The following DUSP8 variants were observed in gnomAD, a reference collection of about 807,000 sequenced individuals.
DUSP8 encodes dual specificity protein phosphatase 8.
A neutral mutation model predicts 38.7 loss-of-function variants in DUSP8; 15 were observed. The observed-to-expected ratio is 0.39, with a 90% CI of 0.26 to 0.60. The LOEUF is 0.60. DUSP8 is among the 20% of genes least tolerant of loss of function. DUSP8 has a pLI of 0.56. For synonymous variants in DUSP8, 458 were observed against 433.9 expected, an observed-to-expected ratio of 1.06 and a Z score of -0.69; for missense variants, 768 against 915.0, an observed-to-expected ratio of 0.84 and a Z score of 2.07.
intron 1 of DUSP8, among the ~76,000 whole-genome samples, chr11:1,568,414 C>T (rs887582580): frequency 7.2e-5 from 11 of 152,240 alleles, no homozygotes; most frequent in East Asian, 3.9e-4. Flanking sequence ...TTTACCTGGC[C>T]CTGCTCTGCC....
intron 3 of DUSP8, 50 bp downstream of exon 3, chr11:1,563,801 C>A: frequency 6.9e-7 from 1 of 1,438,944 alleles, no homozygotes; most frequent in East Asian, 2.6e-5. Context: ...AGCCCCAGCC[C>A]CACTGCTGGC....
Position 1,563,843 on chromosome 11 carries a change from G to A in DUSP8, c.370+8C>T, listed in dbSNP as rs1055583022. On this transcript the variant is annotated splice_region_variant and intron_variant, in intron 3 of 6. Transcript: ENST00000397374. ...AGTGCCTCGGGGAGGCGTGGGTCAT[G>A]GACTCACCAGTGAGGATGGCCACGC... 6.0e-6 allele frequency: 9 copies of A among 1,501,496 alleles called. No individual in the cohort carries two copies. The highest frequency in any genetic ancestry group is 1.3e-5 in the South Asian group (1 of 76,604). The allele number at this position is 1,501,496 out of a possible 1,614,324, so 93.0% of individuals were successfully genotyped here. A position where few individuals can be genotyped will look rare whatever the true frequency, so the allele number is the denominator to read the frequency against.
At chr11:1,568,336 G>A (rs1403905604) in intron 1 of DUSP8, among the ~76,000 whole-genome samples, 1 of 151,916 alleles carries the variant, frequency 6.6e-6, no homozygotes, top group African/African-American at 2.4e-5. Context: ...GGGAGGGGAG[G>A]GAGGAGGGCA....
At chr11:1,563,050 C>T (rs753689240) in intron 3 of DUSP8, among the ~76,000 whole-genome samples, 12 of 152,158 alleles carry the variant, frequency 7.9e-5, no homozygotes, top group Non-Finnish European at 1.8e-4. Flanking sequence ...CCTGGCTTGG[C>T]TGCCTACTCC....
chr11:1,571,740 G>A (rs1848901978), intron 1 of DUSP8, among the ~76,000 whole-genome samples, 161 bp downstream of exon 1: 1 of 151,408 alleles, frequency 6.6e-6, no homozygotes, highest in Middle Eastern at 3.2e-3. Flanking sequence ...CTGGCGTCCT[G>A]GACGGCCGTG....
intron 2 of DUSP8, 70 bp from the exon 3 acceptor site, chr11:1,564,059 GC>G (rs1311952703): frequency 1.5e-6 from 2 of 1,365,710 alleles, no homozygotes; most frequent in Non-Finnish European, 1.9e-6. Context: ...TCCCAGATAT[GC>G]TGGCTCAAGG....
chr11:1,555,499 G>GCCCCGCC lies in DUSP8; in HGVS notation c.*1018_*1019insGGCGGGG. On this transcript the variant is annotated 3_prime_UTR_variant, in exon 7 of 7. Transcript: ENST00000397374. ...GGGGCATGGCTGGGAGGGGGGCGGG[G>GCCCCGCC]CAGACCTGGAACAGAACCCTAAGAC... The GCCCCGCC allele has an allele frequency of 2.9e-6, 1 of 348,852 alleles. No individual in the cohort carries two copies. Among genetic ancestry groups the GCCCCGCC allele is most frequent in the Non-Finnish European group, 4.0e-6 (1 of 248,820 alleles). The allele number at this position is 348,852 out of a possible 1,614,324, so 21.6% of individuals were successfully genotyped here.
chr11:1,558,207 T>G lies in DUSP8; in HGVS notation c.602A>C (p.Asp201Ala). 1 of 1,607,746 alleles carries G rather than the reference T, an allele frequency of 6.2e-7. No individual in the cohort carries two copies. The highest frequency in any genetic ancestry group is 8.5e-7 in the Non-Finnish European group (1 of 1,178,746). The change falls in exon 5 of 7, where the codon GAC (aspartate) becomes GCC (alanine). Residue 201 changes from aspartate to alanine, a missense_variant. By Grantham distance (126) the Asp-to-Ala change is moderately radical (BLOSUM62 -2). This residue lies in a region of DUSP8 where 252 missense variants were observed against 410.4 expected (regional missense o/e 0.61). Transcript: ENST00000397374. The surrounding 1 kb of genome is among the most constrained non-coding windows in gnomAD (Gnocchi z 6.3). The stretch of plus-strand genomic sequence containing the variant: ...CATGAAGCGGCTCTCGCAGATGAAG[T>G]CAGGCTTGGGGCAGGAGTTGCTGGC... ...LNASNSCPKP[D>A]FICESRFMRV...
chr11:1,559,792 C>T (rs1335286956), intron 3 of DUSP8, among the ~76,000 whole-genome samples: 2 of 152,170 alleles, frequency 1.3e-5, no homozygotes, highest in Admixed American at 6.5e-5. Flanking sequence ...GTGCTGCTGC[C>T]TTCCACACAC....
chr11:1,557,643 G>A lies in DUSP8; in HGVS notation c.822-69C>T, dbSNP rs1257511177. ...GCTGCCCACCTGACGCACCCGCTGG[G>A]CACCCACGAGCTCATGTGCGCCAGG... On this transcript the variant is annotated intron_variant, in intron 6 of 6. Coordinates refer to ENST00000397374, the MANE Select transcript of DUSP8 (RefSeq NM_004420.3). This position sits in a 1 kb window ranked among gnomAD's most constrained non-coding sequence, Gnocchi z 9.9. 5.3e-6 allele frequency: 8 copies of A among 1,518,026 alleles called. No homozygotes were observed. Among genetic ancestry groups the A allele is most frequent in the African/African-American group, 1.4e-5 (1 of 72,804 alleles). 94.0% of individuals were successfully genotyped at this position (1,518,026 alleles called of 1,614,324 possible).
intron 1 of DUSP8, among the ~76,000 whole-genome samples, chr11:1,569,653 C>G (rs1288223508): frequency 1.3e-5 from 2 of 152,134 alleles, no homozygotes; most frequent in Non-Finnish European, 2.9e-5. Context: ...TCCCTGAGCA[C>G]AGACGGGACC....
At chr11:1,570,680 A>T (rs1352887926) in intron 1 of DUSP8, among the ~76,000 whole-genome samples, 1 of 152,098 alleles carries the variant, frequency 6.6e-6, no homozygotes, top group African/African-American at 2.4e-5. Flanking sequence ...TTTCAGCGAG[A>T]CTTCAGGATG....
intron 1 of DUSP8, among the ~76,000 whole-genome samples, chr11:1,569,850 T>C (rs11033901): frequency 0.62 from 94,760 of 152,066 alleles, 30,041 homozygotes; most frequent in Non-Finnish European, 0.66. Flanking sequence ...GGCTCACTGT[T>C]ACCCAGGGAT....
chr11:1,558,744 GC>G lies in DUSP8; in HGVS notation c.537+144del. The G allele has an allele frequency of 9.9e-7, 1 of 1,012,432 alleles. No individual in the cohort carries two copies. The allele number at this position is 1,012,432 out of a possible 1,614,324, so 62.7% of individuals were successfully genotyped here. ...GGTGGGGAGCCTGGGGTCCTCCTGG[GC>G]CCCCACCCATGCTTCTCCCACACCC... is the stretch of plus-strand genomic sequence containing the variant. On this transcript the variant is annotated intron_variant, in intron 4 of 6. Coordinates refer to ENST00000397374, the MANE Select transcript of DUSP8 (RefSeq NM_004420.3). This position sits in a 1 kb window ranked among gnomAD's most constrained non-coding sequence, Gnocchi z 6.3.
At chr11:1,561,148 T>G (rs1339070839) in intron 3 of DUSP8, among the ~76,000 whole-genome samples, 1 of 152,014 alleles carries the variant, frequency 6.6e-6, no homozygotes, top group Non-Finnish European at 1.5e-5. Context: ...CAGTGGACCC[T>G]TTGTAGGTCC....
At chr11:1,566,543 G>A (rs1328642037) in intron 1 of DUSP8, among the ~76,000 whole-genome samples, 2 of 152,128 alleles carry the variant, frequency 1.3e-5, no homozygotes, top group Non-Finnish European at 1.5e-5. Flanking sequence ...GCAGGCGGGT[G>A]CGGGAGGGGC....
rs917297083 is a variant in DUSP8, at chr11:1,557,739, G to A, written c.821+55C>T. ...GTCATTCTGGTGCAAGTGGGCAGCC[G>A]GGGGAAGGGAAGCGACGCTGTGAGC... On this transcript the variant is annotated intron_variant, in intron 6 of 6. Coordinates refer to ENST00000397374, the MANE Select transcript of DUSP8 (RefSeq NM_004420.3). This position sits in a 1 kb window ranked among gnomAD's most constrained non-coding sequence, Gnocchi z 9.9. 197 of 1,608,138 alleles carry A rather than the reference G, an allele frequency of 1.2e-4. No homozygotes were observed. Among genetic ancestry groups the A allele is most frequent in the Admixed American group, 3.5e-4 (21 of 59,900 alleles).
At chr11:1,567,318 CCT>C (rs1848818879) in intron 1 of DUSP8, among the ~76,000 whole-genome samples, 1 of 152,222 alleles carries the variant, frequency 6.6e-6, no homozygotes, top group Non-Finnish European at 1.5e-5. Flanking sequence ...GGGGAGGCGC[CCT>C]GAGGACACCC....
chr11:1,570,539 C>G (rs1488410918), intron 1 of DUSP8, among the ~76,000 whole-genome samples: 5 of 152,184 alleles, frequency 3.3e-5, no homozygotes, highest in African/African-American at 1.2e-4. Context: ...GAGACTGACT[C>G]TAAGCGTCTT....
Sources: allele counts gnomAD v4.1 joint callset (sites outside exome capture counted in the v4.1 genomes callset), GRCh38; gene constraint gnomAD v4.1.1; regional missense constraint gnomAD v4.1.1; non-coding constraint Gnocchi (gnomAD v3.1); transcripts MANE v1.5; gene names NCBI Gene and HGNC (gene_info 2026-07-23, HGNC 2026-07-21).